Variants in LRRC7 observed in about 807,000 individuals in gnomAD.
LRRC7 encodes leucine-rich repeat-containing protein 7.
In LRRC7, 23 loss-of-function variants were observed where a neutral mutation model predicts 175.7. The ratio of observed to expected loss-of-function variants is 0.13; its 90% CI spans 0.09 to 0.19. The LOEUF (loss-of-function observed/expected upper bound fraction) is 0.19. LRRC7 is among the 10% of genes least tolerant of loss of function. LRRC7 has a pLI of 1.00. For missense variants in LRRC7, 1,354 were observed against 1,904.7 expected (o/e 0.71, Z 5.38); for synonymous variants, 685 against 680.9 (o/e 1.01, Z -0.09).
At chr1:69,616,053 T>C (rs1649557531) in intron 1 of LRRC7, among the ~76,000 whole-genome samples, 1 of 152,056 alleles carries the variant, frequency 6.6e-6, no homozygotes, top group African/African-American at 2.4e-5. Flanking sequence ...TCAAAGAAAT[T>C]CAACAACTGT....
chr1:69,839,782 T>G (rs1373338829), intron 7 of LRRC7, among the ~76,000 whole-genome samples: 1 of 152,068 alleles, frequency 6.6e-6, no homozygotes, highest in African/African-American at 2.4e-5. Flanking sequence ...GTTGTTAGGT[T>G]TTCAAATATA....
At position 70,124,048 on chromosome 1, in the gene LRRC7, C is replaced by T. The variant is rs1336734570; in HGVS notation, c.*2161C>T. Among the ~76,000 whole-genome samples the T allele has an allele frequency of 6.6e-6, 1 of 152,208 alleles. No homozygotes were observed. Among genetic ancestry groups the T allele is most frequent in the Non-Finnish European group, 1.5e-5 (1 of 68,030 alleles). Reference sequence around the variant, plus strand: ...AGGATCATAATCCTAGTAAACACCTCTGCCACTCCTGATGTGACAACATTG... The same window carrying T: ...AGGATCATAATCCTAGTAAACACCTTTGCCACTCCTGATGTGACAACATTG... On this transcript the variant is annotated 3_prime_UTR_variant, in exon 27 of 27. Coordinates refer to ENST00000651989, the MANE Select transcript of LRRC7 (RefSeq NM_001370785.2).
At chr1:69,639,133 T>G (rs547486865) in intron 1 of LRRC7, among the ~76,000 whole-genome samples, 23 of 151,928 alleles carry the variant, frequency 1.5e-4, no homozygotes, top group African/African-American at 4.6e-4. Flanking sequence ...AAAGACTAAT[T>G]TAATGACAGG....
At chr1:69,615,774 A>G (rs1326819085) in intron 1 of LRRC7, among the ~76,000 whole-genome samples, 1 of 152,088 alleles carries the variant, frequency 6.6e-6, no homozygotes, top group African/African-American at 2.4e-5. Context: ...ATGAAAAATC[A>G]CTACTTTAGC....
chr1:70,085,113 G>A (rs755864832), intron 24 of LRRC7, among the ~76,000 whole-genome samples: 1 of 151,808 alleles, frequency 6.6e-6, no homozygotes, highest in African/African-American at 2.4e-5. Context: ...CTTTTTGATG[G>A]TCTTCTTTGA....
chr1:69,969,858 C>T (rs751952137), intron 8 of LRRC7, among the ~76,000 whole-genome samples: 7 of 152,096 alleles, frequency 4.6e-5, no homozygotes, highest in Non-Finnish European at 8.8e-5. Flanking sequence ...GAACTTTCTC[C>T]GGGATAGACC....
intron 2 of LRRC7, among the ~76,000 whole-genome samples, chr1:69,734,318 G>T (rs1047004549): frequency 6.6e-6 from 1 of 151,826 alleles, no homozygotes; most frequent in Admixed American, 6.6e-5. Context: ...GAGAAGGGAT[G>T]ATTTTGAATA....
chr1:69,799,102 G>GTT (rs34579269), intron 4 of LRRC7, among the ~76,000 whole-genome samples: 7,514 of 136,026 alleles, frequency 0.055, 622 homozygotes, highest in African/African-American at 0.19. Flanking sequence ...CTGAATGCTA[G>GTT]TTTTTTTTTT....
intron 16 of LRRC7, among the ~76,000 whole-genome samples, chr1:70,022,071 T>C (rs906038862): frequency 2.0e-5 from 3 of 152,172 alleles, no homozygotes; most frequent in African/African-American, 7.2e-5. Context: ...GAGCACTTAC[T>C]GGCAAGGCCT....
In LRRC7 at chr1:70,135,077, TTGTA is replaced by T. The variant is rs1336559961; in HGVS notation, c.*13200_*13203del. On this transcript the variant is annotated 3_prime_UTR_variant, in exon 27 of 27. Coordinates refer to ENST00000651989, the MANE Select transcript of LRRC7 (RefSeq NM_001370785.2). ...GTATAAGAGAAAACGTCTTGAAAGT[TTGTA>T]TGTATGTATTCCAGTTGCGCTTTTT... 5.9e-5 allele frequency among the ~76,000 whole-genome samples: 9 copies of T among 152,350 alleles called. No individual in the cohort carries two copies. In the East Asian group the frequency reaches 1.3e-3, roughly 23 times the overall value.
chr1:69,637,504 G>A (rs930403520), intron 1 of LRRC7, among the ~76,000 whole-genome samples: 1 of 151,774 alleles, frequency 6.6e-6, no homozygotes, highest in Non-Finnish European at 1.5e-5. Flanking sequence ...ACTAAACATG[G>A]AGGCTTTGGC....
chr1:69,733,961 A>G (rs574639431), intron 2 of LRRC7, among the ~76,000 whole-genome samples: 1 of 152,020 alleles, frequency 6.6e-6, no homozygotes, highest in Non-Finnish European at 1.5e-5. Context: ...TTAGGTTACT[A>G]TAAATAGGAG....
chr1:69,853,029 C>G (rs1027858661), intron 7 of LRRC7, among the ~76,000 whole-genome samples: 3 of 151,978 alleles, frequency 2.0e-5, no homozygotes, highest in African/African-American at 7.2e-5. Flanking sequence ...ATGCATCATG[C>G]CTGAAAATTT....
chr1:69,653,155 A>G (rs897563126), intron 1 of LRRC7, among the ~76,000 whole-genome samples: 2 of 152,126 alleles, frequency 1.3e-5, no homozygotes, highest in African/African-American at 2.4e-5. Flanking sequence ...TAAAAAGGCA[A>G]CTACAGAATG....
rs1666562106 is a variant in LRRC7 at position 70,129,101 on chromosome 1, G to A, written c.*7214G>A. On this transcript the variant is annotated 3_prime_UTR_variant, in exon 27 of 27. Transcript: ENST00000651989. ...TCTCTACTAAAAATATGAAAAATTA[G>A]CCGGGCATTGTGGCGCGCACCTGTA... Among the ~76,000 whole-genome samples, 1 of 152,054 alleles carries A rather than the reference G, an allele frequency of 6.6e-6. No homozygotes were observed.
intron 2 of LRRC7, among the ~76,000 whole-genome samples, chr1:69,706,302 T>G (rs1057019096): frequency 1.3e-5 from 2 of 152,174 alleles, no homozygotes; most frequent in Non-Finnish European, 2.9e-5. Flanking sequence ...CACCTGTGCA[T>G]GGATAAGAGG....
At chr1:69,866,860 T>C (rs1042709782) in intron 7 of LRRC7, among the ~76,000 whole-genome samples, 2 of 152,158 alleles carry the variant, frequency 1.3e-5, no homozygotes, top group Admixed American at 1.3e-4. Flanking sequence ...TATGAGTTAT[T>C]TTTAGAATAA....
chr1:69,833,010 C>T (rs1385413965), intron 5 of LRRC7, among the ~76,000 whole-genome samples: 2 of 151,570 alleles, frequency 1.3e-5, no homozygotes, highest in African/African-American at 2.4e-5. Context: ...GAGGCTGGAG[C>T]AGGAGAATCA....
chr1:69,636,998 G>A (rs1653467213), intron 1 of LRRC7, among the ~76,000 whole-genome samples: 1 of 151,706 alleles, frequency 6.6e-6, no homozygotes. Context: ...CCCTTGTTGT[G>A]TTCTTTGGTA....
Sources: allele counts gnomAD v4.1 joint callset (sites outside exome capture counted in the v4.1 genomes callset), GRCh38; gene constraint gnomAD v4.1.1; transcripts MANE v1.5; gene names NCBI Gene and HGNC (gene_info 2026-07-23, HGNC 2026-07-21).